Variants in ENDOD1 observed in about 807,000 individuals in gnomAD.
ENDOD1 encodes the protein endonuclease domain containing 1.
In ENDOD1, 9 loss-of-function variants were observed where a neutral mutation model predicts 6.5. The ratio of observed to expected loss-of-function variants is 1.39; its 90% CI spans 0.84 to 2.43. ENDOD1 has a LOEUF of 2.43. ENDOD1 is among the 30% of genes most tolerant of loss of function. The probability of loss-of-function intolerance (pLI) is 0.00; values close to 1 mark genes in which losing one functional copy is unlikely to be tolerated. For synonymous variants in ENDOD1, 255 were observed against 255.2 expected, an observed-to-expected ratio of 1.00 and a Z score of 0.01; for missense variants, 648 against 635.5, an observed-to-expected ratio of 1.02 and a Z score of -0.21.
chr11:95,101,148 A>G (rs919201923), intron 1 of ENDOD1, among the ~76,000 whole-genome samples: 2 of 152,090 alleles, frequency 1.3e-5, no homozygotes, highest in African/African-American at 2.4e-5. Context: ...TGTGGGCCAT[A>G]TTGTCTCTGT....
intron 1 of ENDOD1, among the ~76,000 whole-genome samples, chr11:95,110,579 A>G (rs376174662): frequency 0.036 from 4,829 of 135,220 alleles, 107 homozygotes; most frequent in Non-Finnish European, 0.05. Flanking sequence ...AAGTCCGTGT[A>G]TGTATGTGTG....
At chr11:95,102,256 A>G (rs1859047538) in intron 1 of ENDOD1, among the ~76,000 whole-genome samples, 3 of 152,224 alleles carry the variant, frequency 2.0e-5, no homozygotes, top group Non-Finnish European at 4.4e-5. Flanking sequence ...CTTAAAGCCC[A>G]GGAGAAAACC....
In ENDOD1 at chr11:95,129,755, C is replaced by A; in HGVS notation, c.*176C>A. On this transcript the variant is annotated 3_prime_UTR_variant, in exon 2 of 2. Transcript: ENST00000278505. ...TTAGACTTGACAGAGGAGAAATGCT[C>A]AGGGTGAGATTAGGTGTAGTAATCT... The A allele has an allele frequency of 1.5e-6, 1 of 664,898 alleles. No homozygotes were observed. The highest frequency in any genetic ancestry group is 2.5e-6 in the Non-Finnish European group (1 of 398,070). The allele number at this position is 664,898 out of a possible 1,614,324, so 41.2% of individuals were successfully genotyped here.
At chr11:95,125,351 T>G (rs574343311) in intron 1 of ENDOD1, among the ~76,000 whole-genome samples, 3 of 152,336 alleles carry the variant, frequency 2.0e-5, no homozygotes, top group Middle Eastern at 6.8e-3. Flanking sequence ...GATCTTATGA[T>G]TCAAAAATGA....
In ENDOD1 at chr11:95,089,944, G is replaced by C. The variant is rs773581617; in HGVS notation, c.17G>C (p.Trp6Ser). ...GAGGCCGCCATGGGCACCGCGCGCT[G>C]GCTCGCGCTGGGCAGCCTCTTCGCC... is the stretch of plus-strand genomic sequence containing the variant. MGTAR[W>S]LALGSLFALA... The change falls in exon 1 of 2, where the codon TGG (tryptophan) becomes TCG (serine). Residue 6 changes from tryptophan to serine, a missense_variant. Trp to Ser is a radical substitution (Grantham distance 177). Transcript: ENST00000278505. The C allele has an allele frequency of 5.5e-6, 8 of 1,459,068 alleles. No individual in the cohort carries two copies. The highest frequency in any genetic ancestry group is 7.3e-6 in the Non-Finnish European group (8 of 1,096,692). 90.4% of individuals were successfully genotyped at this position (1,459,068 alleles called of 1,614,324 possible). A position where few individuals can be genotyped will look rare whatever the true frequency, so the allele number is the denominator to read the frequency against.
chr11:95,098,869 G>T (rs570221402), intron 1 of ENDOD1, among the ~76,000 whole-genome samples: 1 of 152,338 alleles, frequency 6.6e-6, no homozygotes, highest in East Asian at 1.9e-4. Flanking sequence ...TGACACCAGA[G>T]CACACATGGA....
rs34439162 is a variant in ENDOD1, at chr11:95,108,494, A to AACAC, written c.300+18297_300+18300dup. Among the ~76,000 whole-genome samples, 203 of 146,502 alleles carry AACAC rather than the reference A, an allele frequency of 1.4e-3. 2 individuals are homozygous for AACAC. Among genetic ancestry groups the AACAC allele is most frequent in the East Asian group, 7.2e-3 (36 of 4,990 alleles). On this transcript the variant is annotated intron_variant, in intron 1 of 1. Coordinates refer to ENST00000278505, the MANE Select transcript of ENDOD1 (RefSeq NM_015036.3). ...AAAAGCTCTGCATTTCTCTTTTCTAAACACACACACACACACACACACACA... is the reference window on the plus strand; with the variant it reads ...AAAAGCTCTGCATTTCTCTTTTCTAAACACACACACACACACACACACACACACA...
chr11:95,101,050 A>C (rs968222212), intron 1 of ENDOD1, among the ~76,000 whole-genome samples: 2 of 152,046 alleles, frequency 1.3e-5, no homozygotes, highest in Non-Finnish European at 2.9e-5. Flanking sequence ...GGCCAGGACT[A>C]TTGGTGCTCA....
In ENDOD1 at chr11:95,089,913, C is replaced by G. The variant is rs998458216; in HGVS notation, c.-15C>G. 3.4e-5 allele frequency: 47 copies of G among 1,362,628 alleles called. No individual in the cohort carries two copies. Among genetic ancestry groups the G allele is most frequent in the Middle Eastern group, 4.1e-4 (2 of 4,876 alleles). The allele number at this position is 1,362,628 out of a possible 1,614,324, so 84.4% of individuals were successfully genotyped here. The stretch of plus-strand genomic sequence containing the variant: ...AGCCCAGCCGCTCGGCCCCGCCGCG[C>G]TCGCAGAGGCCGCCATGGGCACCGC... On this transcript the variant is annotated 5_prime_UTR_variant, in exon 1 of 2. Transcript: ENST00000278505.
intron 1 of ENDOD1, among the ~76,000 whole-genome samples, chr11:95,096,933 C>T (rs1180901941): frequency 3.3e-5 from 5 of 152,128 alleles, no homozygotes; most frequent in African/African-American, 4.8e-5. Flanking sequence ...GAGGCCAAGG[C>T]GGTCTGATCA....
intron 1 of ENDOD1, among the ~76,000 whole-genome samples, chr11:95,119,450 A>G (rs1158894545): frequency 2.0e-5 from 3 of 152,398 alleles, no homozygotes; most frequent in African/African-American, 7.2e-5. Flanking sequence ...GGATGAGATC[A>G]GAAAGAATTC....
At chr11:95,101,599 T>C (rs1179030953) in intron 1 of ENDOD1, among the ~76,000 whole-genome samples, 2 of 152,192 alleles carry the variant, frequency 1.3e-5, no homozygotes, top group African/African-American at 4.8e-5. Flanking sequence ...AAAGAAAAGC[T>C]CCCACTTCTG....
Position 95,110,579 on chromosome 11 carries a change from A to ATGTGTGGTG in ENDOD1, c.301-17795_301-17794insGTGGTGTGT, listed in dbSNP as rs1555111812. 3.7e-3 allele frequency among the ~76,000 whole-genome samples: 495 copies of ATGTGTGGTG among 135,248 alleles called. 3 individuals are homozygous for ATGTGTGGTG. Among genetic ancestry groups the ATGTGTGGTG allele is most frequent in the African/African-American group, 0.012 (469 of 37,834 alleles). 88.7% of individuals were successfully genotyped at this position (135,248 alleles called of 152,430 possible). A position where few individuals can be genotyped will look rare whatever the true frequency, so the allele number is the denominator to read the frequency against. ...TTTTTGCTGACTTTCAAGTCCGTGT[A>ATGTGTGGTG]TGTATGTGTGTGTGTGTGTGTGTGT... On this transcript the variant is annotated intron_variant, in intron 1 of 1. Coordinates refer to ENST00000278505, the MANE Select transcript of ENDOD1 (RefSeq NM_015036.3).
Position 95,105,887 on chromosome 11 carries a change from C to T in ENDOD1, c.300+15660C>T, listed in dbSNP as rs565625372. 3.3e-5 allele frequency among the ~76,000 whole-genome samples: 5 copies of T among 152,296 alleles called. No individual in the cohort carries two copies. In the South Asian group the frequency reaches 1.0e-3, roughly 32 times the overall value. Reference sequence around the variant, plus strand: ...AGAGCCAACCAGTTATGGGGATGCACCTAGGGACTAGCAACAGCAGGAAGC... The same window carrying T: ...AGAGCCAACCAGTTATGGGGATGCATCTAGGGACTAGCAACAGCAGGAAGC... On this transcript the variant is annotated intron_variant, in intron 1 of 1. Coordinates refer to ENST00000278505, the MANE Select transcript of ENDOD1 (RefSeq NM_015036.3).
At chr11:95,124,022 C>T (rs1327559875) in intron 1 of ENDOD1, among the ~76,000 whole-genome samples, 2 of 152,030 alleles carry the variant, frequency 1.3e-5, no homozygotes, top group Admixed American at 6.6e-5. Flanking sequence ...TAACTATACA[C>T]ACTCCTTGAA....
At chr11:95,123,617 C>G (rs1234019119) in intron 1 of ENDOD1, among the ~76,000 whole-genome samples, 1 of 145,580 alleles carries the variant, frequency 6.9e-6, no homozygotes, top group African/African-American at 2.6e-5. Flanking sequence ...TTAAGCAAAG[C>G]AGATACATTT....
chr11:95,092,399 A>G (rs1300679452), intron 1 of ENDOD1, among the ~76,000 whole-genome samples: 1 of 152,170 alleles, frequency 6.6e-6, no homozygotes, highest in Non-Finnish European at 1.5e-5. Flanking sequence ...ATAGTTTGAC[A>G]GAAAGAAGTA....
chr11:95,123,046 A>C (rs189915423), intron 1 of ENDOD1, among the ~76,000 whole-genome samples: 2 of 151,936 alleles, frequency 1.3e-5, no homozygotes, highest in Non-Finnish European at 2.9e-5. Context: ...AAAATTAGCC[A>C]GGTGTGGTGG....
Position 95,090,113 on chromosome 11 carries a change from T to A in ENDOD1, c.186T>A (p.Ala62=). 2 of 1,577,128 alleles carry A rather than the reference T, an allele frequency of 1.3e-6. No homozygotes were observed. The highest frequency in any genetic ancestry group is 1.7e-6 in the Non-Finnish European group (2 of 1,163,868). ...AGATCTGTCAGCGCGCGGAGGGTGC[T>A]GAGCGCTTCGCCACCCTCTACAGCA... The part of the protein sequence containing the change: ...HVKICQRAEG[A]ERFATLYSTR... Residue 62 remains alanine, a synonymous_variant, in exon 1 of 2, where the codon GCT becomes GCA. Coordinates refer to ENST00000278505, the MANE Select transcript of ENDOD1 (RefSeq NM_015036.3).
Sources: allele counts gnomAD v4.1 joint callset (sites outside exome capture counted in the v4.1 genomes callset), GRCh38; gene constraint gnomAD v4.1.1; transcripts MANE v1.5; gene names NCBI Gene and HGNC (gene_info 2026-07-23, HGNC 2026-07-21).